Variants in KMT2E observed in about 807,000 individuals in gnomAD.
KMT2E encodes the protein lysine methyltransferase 2E (inactive), also known as histone reader KMT2E.
Under a neutral mutation model 184.6 loss-of-function variants are expected in KMT2E, and 30 were observed. The ratio of observed to expected loss-of-function variants is 0.16; its 90% CI spans 0.12 to 0.22. The LOEUF (loss-of-function observed/expected upper bound fraction) is 0.22. Among genes scored for constraint, KMT2E ranks in the 10% least tolerant of loss-of-function variants. KMT2E has a pLI of 1.00. For synonymous variants in KMT2E, 815 were observed against 776.5 expected (o/e 1.05, Z -0.82); for missense variants, 2,023 against 2,237.4 (o/e 0.90, Z 1.93).
chr7:105,018,508 TC>T (rs1794809138), intron 1 of KMT2E, among the ~76,000 whole-genome samples: 2 of 152,230 alleles, frequency 1.3e-5, no homozygotes. Context: ...CAGGGACTGT[TC>T]CCTGTTATGT....
intron 16 of KMT2E, 114 bp downstream of exon 16, chr7:105,101,703 AT>A: frequency 9.9e-7 from 1 of 1,005,398 alleles, no homozygotes; most frequent in Non-Finnish European, 1.4e-6. Flanking sequence ...TTTTAATAGC[AT>A]TTTTCAGATC....
intron 13 of KMT2E, among the ~76,000 whole-genome samples, chr7:105,086,770 AT>A (rs1166690077): frequency 8.0e-6 from 1 of 125,728 alleles, no homozygotes; most frequent in East Asian, 3.5e-4. Flanking sequence ...AAATATAAAT[AT>A]ATATAAAATA....
chr7:105,058,541 A>G (rs1421891403), intron 3 of KMT2E, among the ~76,000 whole-genome samples: 1 of 152,190 alleles, frequency 6.6e-6, no homozygotes, highest in African/African-American at 2.4e-5. Flanking sequence ...GCACCTAAGT[A>G]TTGGCTTATG....
intron 6 of KMT2E, among the ~76,000 whole-genome samples, chr7:105,072,371 T>C (rs1797359430): frequency 1.3e-5 from 2 of 152,180 alleles, no homozygotes; most frequent in African/African-American, 2.4e-5. Context: ...AGGAGGGCAG[T>C]TAGTTGAGAG....
At chr7:105,051,524 T>C (rs1486313233) in intron 3 of KMT2E, among the ~76,000 whole-genome samples, 6 of 152,222 alleles carry the variant, frequency 3.9e-5, no homozygotes, top group African/African-American at 1.4e-4. Flanking sequence ...ATCCAGTTGC[T>C]TAAAACTCTA....
At chr7:105,051,183 T>C (rs996930551) in intron 3 of KMT2E, among the ~76,000 whole-genome samples, 2 of 150,672 alleles carry the variant, frequency 1.3e-5, no homozygotes, top group African/African-American at 4.9e-5. Flanking sequence ...CTTCCTTTTT[T>C]CCTTCCTTCC....
At chr7:105,053,315 G>A (rs902911328) in intron 3 of KMT2E, among the ~76,000 whole-genome samples, 6 of 151,984 alleles carry the variant, frequency 3.9e-5, no homozygotes, top group Non-Finnish European at 7.4e-5. Flanking sequence ...ACATAACGTA[G>A]GAAGAGAAGG....
At chr7:105,020,239 G>T (rs761098917) in intron 1 of KMT2E, among the ~76,000 whole-genome samples, 1 of 152,078 alleles carries the variant, frequency 6.6e-6, no homozygotes, top group Non-Finnish European at 1.5e-5. Flanking sequence ...TTAAGGTCAT[G>T]CCTGTCTAGC....
At chr7:105,083,777 T>G (rs1395091197) in intron 13 of KMT2E, among the ~76,000 whole-genome samples, 1 of 152,212 alleles carries the variant, frequency 6.6e-6, no homozygotes, top group African/African-American at 2.4e-5. Flanking sequence ...GCAGATACTC[T>G]TTCTCCTCAG....
rs1797777578 is a variant in KMT2E, at chr7:105,081,985, A to G, written c.1358+188A>G. Among the ~76,000 whole-genome samples the G allele has an allele frequency of 5.3e-5, 8 of 152,278 alleles. No homozygotes were observed. The South Asian group carries it at 1.4e-3, about 28-fold the overall frequency. On this transcript the variant is annotated intron_variant, in intron 13 of 26. Transcript: ENST00000311117. ...CAGCATTGCTACTTTTCATTTCTAC[A>G]TTTTCCTTAATTATTATTGTAATGT...
At chr7:105,024,136 TAC>T (rs779820958) in intron 1 of KMT2E, among the ~76,000 whole-genome samples, 3 of 149,382 alleles carry the variant, frequency 2.0e-5, no homozygotes, top group Non-Finnish European at 4.4e-5. Flanking sequence ...TTTTGAGACT[TAC>T]AGAGTACATA....
chr7:105,051,897 A>G (rs1391636414), intron 3 of KMT2E, among the ~76,000 whole-genome samples: 3 of 152,172 alleles, frequency 2.0e-5, no homozygotes, highest in African/African-American at 7.2e-5. Flanking sequence ...CCAAAAGTAT[A>G]TTTTGAATCA....
intron 3 of KMT2E, among the ~76,000 whole-genome samples, chr7:105,053,311 C>T (rs1011661762): frequency 4.0e-5 from 6 of 151,690 alleles, no homozygotes; most frequent in Non-Finnish European, 8.8e-5. Context: ...TGAGACATAA[C>T]GTAGGAAGAG....
intron 3 of KMT2E, among the ~76,000 whole-genome samples, chr7:105,059,356 C>T (rs1283318915): frequency 4.6e-5 from 7 of 152,148 alleles, no homozygotes; most frequent in Non-Finnish European, 1.0e-4. Context: ...TACTGTAAAT[C>T]GTTGCTAAAA....
chr7:105,031,851 C>G (rs1392266781), intron 1 of KMT2E, among the ~76,000 whole-genome samples: 2 of 151,730 alleles, frequency 1.3e-5, no homozygotes, highest in Non-Finnish European at 2.9e-5. Context: ...GGGTGGATCA[C>G]TGGAGGTCAG....
chr7:105,026,001 ACCAGAAT>A (rs1350071821), intron 1 of KMT2E, among the ~76,000 whole-genome samples: 1 of 152,202 alleles, frequency 6.6e-6, no homozygotes, highest in African/African-American at 2.4e-5. Flanking sequence ...GGAACAAGAA[ACCAGAAT>A]TCTAGTCAGG....
intron 17 of KMT2E, chr7:105,103,058 T>A (rs971405628): frequency 6.6e-6 from 1 of 152,160 alleles, no homozygotes; most frequent in Non-Finnish European, 1.5e-5. Flanking sequence ...TGTACTCTCC[T>A]TACTGCACCG....
rs533619291 is a variant in KMT2E at position 105,062,776 on chromosome 7, T to C, written c.186+498T>C. Among the ~76,000 whole-genome samples the C allele has an allele frequency of 3.4e-3, 523 of 152,046 alleles. 1 individual carries two copies. Among genetic ancestry groups the C allele is most frequent in the African/African-American group, 0.012 (494 of 41,534 alleles). ...AGAAAATAAAAGCCTATCTAACTTATTAAATATTGCATATCTAGTAAGAGG... is the reference window on the plus strand; with the variant it reads ...AGAAAATAAAAGCCTATCTAACTTACTAAATATTGCATATCTAGTAAGAGG... On this transcript the variant is annotated intron_variant, in intron 4 of 26. Coordinates refer to ENST00000311117, the MANE Select transcript of KMT2E (RefSeq NM_182931.3).
At chr7:105,027,301 C>G (rs1041344618) in intron 1 of KMT2E, among the ~76,000 whole-genome samples, 1 of 151,794 alleles carries the variant, frequency 6.6e-6, no homozygotes, top group African/African-American at 2.4e-5. Context: ...ACAGCCCATG[C>G]TGGTCTTTAA....
Sources: allele counts gnomAD v4.1 joint callset (sites outside exome capture counted in the v4.1 genomes callset), GRCh38; gene constraint gnomAD v4.1.1; transcripts MANE v1.5; gene names NCBI Gene and HGNC (gene_info 2026-07-23, HGNC 2026-07-21).